Variants in ABCB1 observed in about 807,000 individuals in gnomAD.
ABCB1 encodes the protein ATP binding cassette subfamily B member 1, also known as ATP-dependent translocase ABCB1.
A neutral mutation model predicts 142.0 loss-of-function variants in ABCB1; 69 were observed. The observed-to-expected ratio is 0.49, with a 90% CI of 0.40 to 0.59. The LOEUF (loss-of-function observed/expected upper bound fraction) is 0.59. Ranked by LOEUF, ABCB1 falls within the 20% of genes least tolerant of loss-of-function variation. The probability of loss-of-function intolerance (pLI) is 0.00; values close to 1 mark genes in which losing one functional copy is unlikely to be tolerated. For synonymous variants in ABCB1, 532 were observed against 539.2 expected, an observed-to-expected ratio of 0.99 and a Z score of 0.18; for missense variants, 1,326 against 1,554.7, an observed-to-expected ratio of 0.85 and a Z score of 2.47.
At chr7:87,634,495 G>A (rs1443360007) in intron 1 of ABCB1, among the ~76,000 whole-genome samples, 2 of 29,206 alleles carry the variant, frequency 6.8e-5, no homozygotes, top group Admixed American at 7.1e-4. Flanking sequence ...GGTGGGGGGT[G>A]GGGGGGGGGG....
At chr7:87,520,369 A>G (rs909344068) in intron 22 of ABCB1, among the ~76,000 whole-genome samples, 4 of 152,192 alleles carry the variant, frequency 2.6e-5, no homozygotes, top group African/African-American at 7.2e-5. Context: ...GAAGGTCTGC[A>G]CTGGAGAAGG....
chr7:87,561,238 A>G (rs759788931), intron 8 of ABCB1, 25 bp downstream of exon 8: 1 of 1,612,854 alleles, frequency 6.2e-7, no homozygotes. Flanking sequence ...TAACATATCT[A>G]TCCATTTAAA....
intron 1 of ABCB1, among the ~76,000 whole-genome samples, chr7:87,615,664 G>A (rs1173071455): frequency 6.6e-6 from 1 of 152,120 alleles, no homozygotes; most frequent in East Asian, 1.9e-4. Flanking sequence ...TTTGAGGGTA[G>A]CACCAACAAG....
intron 25 of ABCB1, among the ~76,000 whole-genome samples, chr7:87,512,178 A>C (rs1815042512): frequency 7.6e-6 from 1 of 132,054 alleles, no homozygotes; most frequent in Non-Finnish European, 1.7e-5. Context: ...CTAATTTTGC[A>C]TTAAAAAAAA....
At chr7:87,505,500 T>C (rs1814692072) in intron 27 of ABCB1, among the ~76,000 whole-genome samples, 1 of 152,246 alleles carries the variant, frequency 6.6e-6, no homozygotes, top group South Asian at 2.1e-4. Flanking sequence ...TCAGATAATC[T>C]GAATTTTTAA....
chr7:87,694,008 G>A lies in ABCB1; in HGVS notation c.-331+19153C>T. On this transcript the variant is annotated intron_variant, in intron 1 of 28. Coordinates refer to the ABCB1 transcript ENST00000265724. ...CGCCACTGAGCTGCACGGGAGCATG[G>A]AATTGACTTTCGGGGGAGGGCTGTA... 1.9e-6 allele frequency: 3 copies of A among 1,603,874 alleles called. No individual in the cohort carries two copies. In the South Asian group the frequency reaches 3.4e-5, roughly 18 times the overall value.
intron 18 of ABCB1, among the ~76,000 whole-genome samples, chr7:87,539,781 C>T (rs1816452208): frequency 6.6e-6 from 1 of 152,166 alleles, no homozygotes. Flanking sequence ...AGACTTTGTT[C>T]TCACCTGTTT....
At chr7:87,605,410 A>G (rs1317626751), upstream of ABCB1, among the ~76,000 whole-genome samples, 1 of 152,236 alleles carries the variant, frequency 6.6e-6, no homozygotes, top group African/African-American at 2.4e-5. Flanking sequence ...CTGGGATTAT[A>G]GGCATGAGCC....
chr7:87,522,614 CA>C (rs1815563995), intron 21 of ABCB1, among the ~76,000 whole-genome samples: 1 of 152,122 alleles, frequency 6.6e-6, no homozygotes, highest in East Asian at 1.9e-4. Flanking sequence ...AATTGTGTAA[CA>C]GATTCTTTTA....
intron 4 of ABCB1, among the ~76,000 whole-genome samples, chr7:87,585,167 C>T (rs913058720): frequency 3.9e-5 from 6 of 152,206 alleles, no homozygotes. Context: ...TTTCGTCTTA[C>T]ACCCATGTTC....
intron 1 of ABCB1, among the ~76,000 whole-genome samples, chr7:87,623,875 T>A (rs1820314791): frequency 6.6e-6 from 1 of 152,158 alleles, no homozygotes; most frequent in African/African-American, 2.4e-5. Flanking sequence ...CCAATGTCCC[T>A]CTGTTCAATA....
chr7:87,568,267 A>AATAAT (rs775493469), intron 5 of ABCB1, among the ~76,000 whole-genome samples: 2 of 100,404 alleles, frequency 2.0e-5, no homozygotes, highest in Admixed American at 9.1e-5. Context: ...TAATAATAAT[A>AATAAT]AAAATTAGCC....
intron 1 of ABCB1, among the ~76,000 whole-genome samples, chr7:87,667,213 G>T (rs202098099): frequency 1.2e-4 from 19 of 152,068 alleles, no homozygotes; most frequent in Admixed American, 4.6e-4. Flanking sequence ...TCCCTGGGTA[G>T]CTGTATTGCT....
chr7:87,598,445 G>A (rs1040619159), intron 2 of ABCB1, among the ~76,000 whole-genome samples: 1 of 152,108 alleles, frequency 6.6e-6, no homozygotes, highest in African/African-American at 2.4e-5. Context: ...CTGATCACTC[G>A]GTTAAGGTGC....
intron 1 of ABCB1, among the ~76,000 whole-genome samples, chr7:87,709,993 TTTAAATATTTGG>T (rs1188558349): frequency 1.3e-5 from 2 of 152,150 alleles, no homozygotes; most frequent in African/African-American, 4.8e-5. Context: ...GTTTTTCTAG[TTTAAATATTTGG>T]TAATAGCTTT....
At position 87,511,465 on chromosome 7, in the gene ABCB1, T is replaced by C. The variant is rs138018872; in HGVS notation, c.3283-1984A>G. On this transcript the variant is annotated intron_variant, in intron 25 of 27. Transcript: ENST00000622132. ...AGCGCAAAAATGTAAATGTTAAATG[T>C]GTATTCTTCTATGCATATTTACTGT... Among the ~76,000 whole-genome samples, 24 of 152,370 alleles carry C rather than the reference T, an allele frequency of 1.6e-4. No homozygotes were observed. The East Asian group carries it at 4.4e-3, about 28-fold the overall frequency.
At chr7:87,671,378 G>C (rs985294093) in intron 1 of ABCB1, among the ~76,000 whole-genome samples, 2 of 152,128 alleles carry the variant, frequency 1.3e-5, no homozygotes, top group Non-Finnish European at 2.9e-5. Flanking sequence ...CTACTTGCTC[G>C]GTAGCTCTGG....
Position 87,566,990 on chromosome 7 carries a change from A to G in ABCB1, c.339-14T>C, listed in dbSNP as rs974770564. 2 of 1,612,154 alleles carry G rather than the reference A, an allele frequency of 1.2e-6. No individual in the cohort carries two copies. The highest frequency in any genetic ancestry group is 8.5e-7 in the Non-Finnish European group (1 of 1,178,216). On this transcript the variant is annotated splice_polypyrimidine_tract_variant and intron_variant, in intron 5 of 27. Coordinates refer to ENST00000622132, the MANE Select transcript of ABCB1 (RefSeq NM_001348946.2). ...TAATAGGCATACCTGAAAAACAACA[A>G]GAACACTGCACATGCTCTCTGTTTC...
intron 1 of ABCB1, among the ~76,000 whole-genome samples, chr7:87,667,805 T>G (rs1485639252): frequency 6.6e-6 from 1 of 152,182 alleles, no homozygotes; most frequent in African/African-American, 2.4e-5. Context: ...TTGAATATGT[T>G]GAGCCAAACT....
Sources: gnomAD v4.1 joint callset for allele counts (sites outside exome capture counted in the v4.1 genomes callset) on GRCh38, gnomAD v4.1.1 for gene constraint, MANE v1.5 for transcripts, NCBI Gene and HGNC (gene_info 2026-07-23, HGNC 2026-07-21) for gene names.